The following LSAMP variants were observed in gnomAD, a reference collection of about 807,000 sequenced individuals.
LSAMP encodes limbic system-associated membrane protein.
A neutral mutation model predicts 38.6 loss-of-function variants in LSAMP; 7 were observed. The ratio of observed to expected loss-of-function variants is 0.18; its 90% CI spans 0.10 to 0.34. LSAMP has a LOEUF of 0.34. Ranked by LOEUF, LSAMP falls within the 10% of genes least tolerant of loss-of-function variation. The pLI, the probability that LSAMP is intolerant of heterozygous loss-of-function variation, is 1.00. For synonymous variants in LSAMP, 154 were observed against 166.8 expected, an observed-to-expected ratio of 0.92 and a Z score of 0.59; for missense variants, 313 against 420.0, an observed-to-expected ratio of 0.75 and a Z score of 2.23.
chr3:116,108,475 TATTG>T (rs2107465209), intron 1 of LSAMP, among the ~76,000 whole-genome samples: 1 of 152,032 alleles, frequency 6.6e-6, no homozygotes, highest in South Asian at 2.1e-4. Context: ...GTAGCCTCCA[TATTG>T]ATTAAGAAGG....
intron 3 of LSAMP, among the ~76,000 whole-genome samples, chr3:115,954,239 C>T (rs182103102): frequency 1.6e-4 from 25 of 152,218 alleles, no homozygotes; most frequent in South Asian, 4.1e-4. Flanking sequence ...TGGGCTTCTA[C>T]GGACAGCCAG....
chr3:116,376,292 A>G (rs1416800466), intron 1 of LSAMP, among the ~76,000 whole-genome samples: 2 of 152,078 alleles, frequency 1.3e-5, no homozygotes, highest in Non-Finnish European at 2.9e-5. Context: ...CTATTTCTCA[A>G]ATACAAAAAC....
rs56780436 is a variant in LSAMP at position 116,365,876 on chromosome 3, G to C, written c.155+79001C>G. ...TGGGGACTGTGGTGGGGTCGGGGGA[G>C]GGGGGAGGGATAGCATTGGGAGATA... is the stretch of plus-strand genomic sequence containing the variant. On this transcript the variant is annotated intron_variant, in intron 1 of 6. Transcript: ENST00000490035. Among the ~76,000 whole-genome samples the C allele has an allele frequency of 2.5e-3, 174 of 69,794 alleles. 2 individuals carry two copies. The highest frequency in any genetic ancestry group is 7.7e-3 in the African/African-American group (135 of 17,578). The allele number at this position is 69,794 out of a possible 152,430, so 45.8% of individuals were successfully genotyped here. A position where few individuals can be genotyped will look rare whatever the true frequency, so the allele number is the denominator to read the frequency against.
At chr3:115,881,943 G>A (rs1164224928) in intron 3 of LSAMP, among the ~76,000 whole-genome samples, 3 of 152,104 alleles carry the variant, frequency 2.0e-5, no homozygotes, top group African/African-American at 7.2e-5. Flanking sequence ...ATTGCTGGTG[G>A]ATGATAGCCA....
At chr3:116,050,687 T>G (rs1403377011) in intron 2 of LSAMP, among the ~76,000 whole-genome samples, 3 of 152,180 alleles carry the variant, frequency 2.0e-5, no homozygotes, top group East Asian at 3.8e-4. Flanking sequence ...AGCCAAGGTT[T>G]TAATAGCAAA....
chr3:115,971,664 CT>C (rs1346552661), intron 3 of LSAMP, among the ~76,000 whole-genome samples: 1 of 152,104 alleles, frequency 6.6e-6, no homozygotes, highest in East Asian at 1.9e-4. Flanking sequence ...TGACTCCATA[CT>C]TAAATAACTT....
At chr3:116,031,314 C>A (rs1361348191) in intron 2 of LSAMP, among the ~76,000 whole-genome samples, 1 of 151,954 alleles carries the variant, frequency 6.6e-6, no homozygotes, top group Non-Finnish European at 1.5e-5. Flanking sequence ...AAAACAATAA[C>A]AATTATGACT....
At chr3:116,043,823 G>A (rs1941230937) in intron 2 of LSAMP, among the ~76,000 whole-genome samples, 1 of 152,182 alleles carries the variant, frequency 6.6e-6, no homozygotes, top group South Asian at 2.1e-4. Flanking sequence ...CAGGCGCCTT[G>A]TAGTCCCAGC....
At chr3:116,261,849 TATA>T (rs1237805526) in intron 1 of LSAMP, among the ~76,000 whole-genome samples, 1 of 149,198 alleles carries the variant, frequency 6.7e-6, no homozygotes, top group Non-Finnish European at 1.5e-5. Context: ...TATATGTTAT[TATA>T]ATATAAAATA....
At chr3:116,027,499 A>G (rs968097036) in intron 2 of LSAMP, among the ~76,000 whole-genome samples, 2 of 152,164 alleles carry the variant, frequency 1.3e-5, no homozygotes, top group African/African-American at 4.8e-5. Flanking sequence ...TAGCCAGTCA[A>G]TTTCTATTGC....
chr3:115,955,272 T>C (rs1256322372), intron 3 of LSAMP, among the ~76,000 whole-genome samples: 1 of 152,182 alleles, frequency 6.6e-6, no homozygotes. Flanking sequence ...TTGGTAAACC[T>C]AAACCTCATG....
chr3:116,168,042 A>G (rs1710103323), intron 1 of LSAMP, among the ~76,000 whole-genome samples: 1 of 152,232 alleles, frequency 6.6e-6, no homozygotes, highest in Non-Finnish European at 1.5e-5. Context: ...GGTTGAGCCC[A>G]TATTCCTAGG....
chr3:115,834,769 G>T (rs1576126021), intron 6 of LSAMP, among the ~76,000 whole-genome samples: 1 of 151,986 alleles, frequency 6.6e-6, no homozygotes, highest in South Asian at 2.1e-4. Context: ...AACTATCAAA[G>T]AAATTTATTA....
chr3:116,250,654 G>T lies in LSAMP; in HGVS notation c.156-164098C>A, dbSNP rs926932740. On this transcript the variant is annotated intron_variant, in intron 1 of 6. Transcript: ENST00000490035. ...ACATGGGTGGATCACTTGAGCTCGA[G>T]AGTTTGAGACCAGCCTGGGCAAGAT... 4.0e-5 allele frequency among the ~76,000 whole-genome samples: 6 copies of T among 150,468 alleles called. No homozygotes were observed. The East Asian group carries it at 1.2e-3, about 29-fold the overall frequency.
intron 1 of LSAMP, among the ~76,000 whole-genome samples, chr3:116,207,277 T>C (rs1445141728): frequency 1.3e-5 from 2 of 152,190 alleles, no homozygotes; most frequent in Non-Finnish European, 2.9e-5. Context: ...CTCCATCCTT[T>C]TATTTTGTGC....
intron 3 of LSAMP, among the ~76,000 whole-genome samples, chr3:116,018,213 A>G (rs1940540435): frequency 6.6e-6 from 1 of 152,150 alleles, no homozygotes; most frequent in Admixed American, 6.6e-5. Context: ...TCTCAAGAAA[A>G]TAGAGGCCTT....
rs192141069 is a variant in LSAMP at position 116,425,843 on chromosome 3, T to C, written c.155+19034A>G. On this transcript the variant is annotated intron_variant, in intron 1 of 6. Transcript: ENST00000490035. ...TTAAAAAGAGTAAAATTTAGGTAAA[T>C]AGATGGGAAAAAAACCATACATCCT... is the stretch of plus-strand genomic sequence containing the variant. Among the ~76,000 whole-genome samples, 282 of 146,542 alleles carry C rather than the reference T, an allele frequency of 1.9e-3. 1 individual carries two copies. Among genetic ancestry groups the C allele is most frequent in the Middle Eastern group, 3.5e-3 (1 of 286 alleles).
At chr3:115,845,864 C>A (rs73858083) in intron 4 of LSAMP, among the ~76,000 whole-genome samples, 12 of 152,190 alleles carry the variant, frequency 7.9e-5, no homozygotes, top group Non-Finnish European at 1.6e-4. Flanking sequence ...TAGGATTGAG[C>A]ACTTACAAGT....
intron 4 of LSAMP, among the ~76,000 whole-genome samples, chr3:115,847,552 C>A (rs1935198739): frequency 6.6e-6 from 1 of 152,136 alleles, no homozygotes. Context: ...TCTCCATAAT[C>A]CCCACGTGTC....
Sources: gnomAD v4.1 joint callset for allele counts (sites outside exome capture counted in the v4.1 genomes callset) on GRCh38, gnomAD v4.1.1 for gene constraint, MANE v1.5 for transcripts, NCBI Gene and HGNC (gene_info 2026-07-23, HGNC 2026-07-21) for gene names.